The following OPCML variants were observed in gnomAD, a reference collection of about 807,000 sequenced individuals.
OPCML encodes the protein opioid binding protein/cell adhesion molecule like, also known as opioid-binding protein/cell adhesion molecule.
A neutral mutation model predicts 37.8 loss-of-function variants in OPCML; 13 were observed. That is an observed-to-expected ratio of 0.34 (90% CI 0.22 to 0.55). The LOEUF is 0.55. Ranked by LOEUF, OPCML falls within the 20% of genes least tolerant of loss-of-function variation. The pLI is 0.91. For missense variants in OPCML, 341 were observed against 435.6 expected (o/e 0.78, Z 1.93); for synonymous variants, 176 against 168.8 (o/e 1.04, Z -0.33).
intron 1 of OPCML, among the ~76,000 whole-genome samples, chr11:132,962,701 C>A (rs1482190443): frequency 1.3e-5 from 2 of 152,204 alleles, no homozygotes; most frequent in African/African-American, 4.8e-5. Flanking sequence ...ACCATCCCCA[C>A]CTTGGAGCCC....
chr11:133,338,549 G>C (rs916693360), intron 1 of OPCML, among the ~76,000 whole-genome samples: 1 of 152,186 alleles, frequency 6.6e-6, no homozygotes, highest in African/African-American at 2.4e-5. Flanking sequence ...CTTCCGGCCA[G>C]CCAATGTGCT....
Position 132,866,173 on chromosome 11 carries a change from G to T in OPCML, c.146+76753C>A, listed in dbSNP as rs146565904. Among the ~76,000 whole-genome samples the T allele has an allele frequency of 5.9e-3, 895 of 152,128 alleles. 11 individuals carry two copies. The highest frequency in any genetic ancestry group is 0.021 in the African/African-American group (852 of 41,490). The stretch of plus-strand genomic sequence containing the variant: ...TAGCACTTCCACATACTTGCACATA[G>T]AATTGCTTTTGATGTTTACATTATG... On this transcript the variant is annotated intron_variant, in intron 2 of 7. Transcript: ENST00000524381.
chr11:132,623,899 G>A lies in OPCML; in HGVS notation c.379+33188C>T, dbSNP rs144729947. ...TACTAGAAACAAGAGAAATTTGGGG[G>A]CTTATACGTACACTACACACTTGAT... On this transcript the variant is annotated intron_variant, in intron 3 of 7. Coordinates refer to ENST00000524381, the MANE Select transcript of OPCML (RefSeq NM_001012393.5). Among the ~76,000 whole-genome samples the A allele has an allele frequency of 6.9e-3, 1,049 of 152,300 alleles. 13 individuals carry two copies. The highest frequency in any genetic ancestry group is 0.023 in the African/African-American group (973 of 41,564).
At chr11:132,751,180 C>T (rs867589461) in intron 2 of OPCML, among the ~76,000 whole-genome samples, 33 of 152,120 alleles carry the variant, frequency 2.2e-4, no homozygotes, top group South Asian at 2.1e-4. Context: ...AAACACAGTT[C>T]CTCTATCTTC....
chr11:132,999,490 G>GA (rs1258001861), intron 1 of OPCML, among the ~76,000 whole-genome samples: 2 of 148,428 alleles, frequency 1.3e-5, no homozygotes, highest in Non-Finnish European at 1.5e-5. Flanking sequence ...CTCCTTGTCA[G>GA]AAAAATCACT....
rs1206933664 is a variant in OPCML at position 132,943,954 on chromosome 11, C to G, written c.62-944G>C. On this transcript the variant is annotated intron_variant, in intron 1 of 7. Transcript: ENST00000524381. This position sits in a 1 kb window ranked among gnomAD's most constrained non-coding sequence, Gnocchi z 4.3. ...CGCCGGGGTTGTCATGGCAGCAGCT[C>G]CATCCCTGACCGCCACTTTCTCCCG... Among the ~76,000 whole-genome samples, 2 of 151,912 alleles carry G rather than the reference C, an allele frequency of 1.3e-5. No individual in the cohort carries two copies. Among genetic ancestry groups the G allele is most frequent in the Admixed American group, 6.6e-5 (1 of 15,260 alleles).
chr11:133,261,417 A>G (rs561702120), intron 1 of OPCML, among the ~76,000 whole-genome samples: 62 of 152,268 alleles, frequency 4.1e-4, no homozygotes, highest in East Asian at 2.5e-3. Context: ...GTTAAACACA[A>G]TCATGATCTC....
intron 1 of OPCML, among the ~76,000 whole-genome samples, chr11:132,944,434 C>G (rs548200149): frequency 6.6e-6 from 1 of 152,150 alleles, no homozygotes; most frequent in African/African-American, 2.4e-5. Flanking sequence ...CCTGGGCCCG[C>G]GCAGAGGTGG....
At chr11:133,121,781 T>C (rs969842700) in intron 1 of OPCML, among the ~76,000 whole-genome samples, 1 of 152,196 alleles carries the variant, frequency 6.6e-6, no homozygotes, top group African/African-American at 2.4e-5. Flanking sequence ...TCCAGATGAA[T>C]ACCATTTCAT....
At chr11:133,254,328 C>T in intron 1 of OPCML, among the ~76,000 whole-genome samples, 1 of 152,154 alleles carries the variant, frequency 6.6e-6, no homozygotes, top group East Asian at 1.9e-4. Flanking sequence ...CTTCCCTGTT[C>T]ACACAGCTAC....
rs190864182 is a variant in OPCML, at chr11:132,906,683, C to T, written c.146+36243G>A. ...GTGTACAGGAAAGGAAAAGAGGGTACTGCCCTTGTTACGGGGCTGGAAAAA... is the reference window on the plus strand; with the variant it reads ...GTGTACAGGAAAGGAAAAGAGGGTATTGCCCTTGTTACGGGGCTGGAAAAA... On this transcript the variant is annotated intron_variant, in intron 2 of 7. Coordinates refer to ENST00000524381, the MANE Select transcript of OPCML (RefSeq NM_001012393.5). Among the ~76,000 whole-genome samples the T allele has an allele frequency of 3.3e-5, 5 of 152,300 alleles. No homozygotes were observed. In the East Asian group the frequency reaches 5.8e-4, roughly 18 times the overall value.
intron 1 of OPCML, among the ~76,000 whole-genome samples, chr11:132,953,779 G>C (rs1015381623): frequency 6.6e-6 from 1 of 152,156 alleles, no homozygotes; most frequent in Non-Finnish European, 1.5e-5. Context: ...CCTGAGAGCT[G>C]GGGGTCCCCA....
chr11:133,489,664 T>C lies in OPCML; in HGVS notation c.61+42600A>G, dbSNP rs1591557177. Reference sequence around the variant, plus strand: ...AATACAAAATAGAACTACCATTCAATCCATCAACCCCACTACTGGCTATCT... The same window carrying C: ...AATACAAAATAGAACTACCATTCAACCCATCAACCCCACTACTGGCTATCT... On this transcript the variant is annotated intron_variant, in intron 1 of 7. Transcript: ENST00000524381. Among the ~76,000 whole-genome samples, 3 of 152,210 alleles carry C rather than the reference T, an allele frequency of 2.0e-5. No individual in the cohort carries two copies. The East Asian group carries it at 5.8e-4, about 29-fold the overall frequency.
At chr11:133,184,668 C>T (rs1214397924) in intron 1 of OPCML, among the ~76,000 whole-genome samples, 1 of 152,176 alleles carries the variant, frequency 6.6e-6, no homozygotes, top group Non-Finnish European at 1.5e-5. Flanking sequence ...ACGGGGAAGT[C>T]TACTTCCGTT....
chr11:132,887,327 C>T (rs1943463141), intron 2 of OPCML, among the ~76,000 whole-genome samples: 1 of 152,206 alleles, frequency 6.6e-6, no homozygotes. Context: ...GGTGTTCACA[C>T]ACAACCACAC....
At chr11:133,057,960 T>G (rs1948270382) in intron 1 of OPCML, among the ~76,000 whole-genome samples, 1 of 152,192 alleles carries the variant, frequency 6.6e-6, no homozygotes, top group African/African-American at 2.4e-5. Context: ...CATAATATAC[T>G]TTATTTTTAC....
At chr11:132,696,317 T>G (rs1012058727) in intron 2 of OPCML, among the ~76,000 whole-genome samples, 2 of 152,142 alleles carry the variant, frequency 1.3e-5, no homozygotes, top group African/African-American at 4.8e-5. Flanking sequence ...AAGCCCACCC[T>G]AGCTATGATG....
chr11:133,103,673 T>C (rs1292034656), intron 1 of OPCML, among the ~76,000 whole-genome samples: 1 of 152,204 alleles, frequency 6.6e-6, no homozygotes, highest in Non-Finnish European at 1.5e-5. Flanking sequence ...AAAAATGAAT[T>C]TCATTTTGTC....
intron 3 of OPCML, 143 bp downstream of exon 3, chr11:132,656,944 A>G: frequency 7.0e-7 from 1 of 1,421,870 alleles, no homozygotes. Context: ...GATGGGAAAC[A>G]TTCCAAGACA....
Sources: allele counts gnomAD v4.1 joint callset (sites outside exome capture counted in the v4.1 genomes callset), GRCh38; gene constraint gnomAD v4.1.1; non-coding constraint Gnocchi (gnomAD v3.1); transcripts MANE v1.5; gene names NCBI Gene and HGNC (gene_info 2026-07-23, HGNC 2026-07-21).